The following INTS7 variants were observed in gnomAD, a reference collection of about 807,000 sequenced individuals.
INTS7 encodes integrator complex subunit 7.
INTS7 carries 46 observed loss-of-function variants against 109.2 expected under a neutral mutation model. That is an observed-to-expected ratio of 0.42 (90% CI 0.33 to 0.54). The LOEUF is 0.54. Among genes scored for constraint, INTS7 ranks in the 20% least tolerant of loss-of-function variants. INTS7 has a pLI of 0.07. For missense variants in INTS7, 929 were observed against 1,132.4 expected, an observed-to-expected ratio of 0.82 and a Z score of 2.58; for synonymous variants, 412 against 402.9, an observed-to-expected ratio of 1.02 and a Z score of -0.27.
chr1:212,029,870 T>C (rs997115025), intron 1 of INTS7, among the ~76,000 whole-genome samples: 1 of 152,136 alleles, frequency 6.6e-6, no homozygotes, highest in Non-Finnish European at 1.5e-5. Context: ...GCTTAAAAAA[T>C]TGATGGCAAA....
chr1:211,968,524 T>A lies in INTS7; in HGVS notation c.1999A>T (p.Ile667Phe). 6.2e-7 allele frequency: 1 copy of A among 1,612,430 alleles called. No homozygotes were observed. Among genetic ancestry groups the A allele is most frequent in the Non-Finnish European group, 8.5e-7 (1 of 1,179,192 alleles). The change falls in exon 14 of 20, where the codon ATC (isoleucine) becomes TTC (phenylalanine). Residue 667 changes from isoleucine (I) to phenylalanine (F), a missense_variant. Transcript: ENST00000366994. ...LGNDLQRCGR[I>F]SNQMKQSMEE... is the part of the protein sequence containing the mutation. ...AAGTTAAGACATGCCTGATTGGAGATGCGACCACACCTCTGGAGGTCATTT... is the reference window on the plus strand; with the variant it reads ...AAGTTAAGACATGCCTGATTGGAGAAGCGACCACACCTCTGGAGGTCATTT...
chr1:211,945,841 AAAATACT>A (rs1662824018), intron 18 of INTS7, among the ~76,000 whole-genome samples: 1 of 152,248 alleles, frequency 6.6e-6, no homozygotes, highest in Non-Finnish European at 1.5e-5. Flanking sequence ...TAAATATTTC[AAAATACT>A]AATTCTACTC....
chr1:212,023,550 T>C (rs1002437563), intron 1 of INTS7, among the ~76,000 whole-genome samples: 7 of 152,322 alleles, frequency 4.6e-5, no homozygotes, highest in Non-Finnish European at 1.0e-4. Flanking sequence ...ATGTCTTCTT[T>C]TGAGAATGCT....
intron 13 of INTS7, among the ~76,000 whole-genome samples, chr1:211,969,314 C>T (rs1389654715): frequency 6.6e-6 from 1 of 151,060 alleles, no homozygotes; most frequent in Non-Finnish European, 1.5e-5. Flanking sequence ...AGAAGATAAT[C>T]GCATAAGGGA....
Position 211,999,595 on chromosome 1 carries a change from A to G in INTS7, c.879+7044T>C, listed in dbSNP as rs563036577. 1.4e-4 allele frequency among the ~76,000 whole-genome samples: 21 copies of G among 152,324 alleles called. No homozygotes were observed. In the South Asian group the frequency reaches 4.4e-3, roughly 32 times the overall value. On this transcript the variant is annotated intron_variant, in intron 7 of 19. Coordinates refer to ENST00000366994, the MANE Select transcript of INTS7 (RefSeq NM_015434.4). ...AGAAAAGTTTCTGTAAATAAATTAT[A>G]CCATAATAAATCTGGCTTTTTAAAA... is the stretch of plus-strand genomic sequence containing the variant.
rs752458254 is a variant in INTS7, at chr1:211,944,896, T to C, written c.2489A>G (p.Lys830Arg). 1.2e-6 allele frequency: 2 copies of C among 1,614,168 alleles called. No homozygotes were observed. Among genetic ancestry groups the C allele is most frequent in the Non-Finnish European group, 1.7e-6 (2 of 1,179,998 alleles). Residue 830 changes from lysine (K) to arginine (R), a missense_variant, in exon 19 of 20, where the codon AAG (lysine) becomes AGG (arginine). Physicochemically the swap from Lys to Arg is conservative, Grantham distance 26. Coordinates refer to ENST00000366994, the MANE Select transcript of INTS7 (RefSeq NM_015434.4). ...TCCGTGCTGAACCACTCCCTCTACC[T>C]TTAGCGCCAGCTGCTGGTTATTCTG... ...AVQNNQQLAL[K>R]VEGVVQHGSK...
At chr1:212,004,351 C>CA (rs1328267755) in intron 7 of INTS7, among the ~76,000 whole-genome samples, 5 of 151,750 alleles carry the variant, frequency 3.3e-5, no homozygotes, top group Admixed American at 2.6e-4. Context: ...CAAAAAAACC[C>CA]AAAAAACCTC....
At chr1:211,960,932 T>C (rs917601735) in intron 16 of INTS7, among the ~76,000 whole-genome samples, 1 of 151,954 alleles carries the variant, frequency 6.6e-6, no homozygotes, top group African/African-American at 2.4e-5. Context: ...GGAGAATCAC[T>C]TGAACCTGAG....
Position 211,993,914 on chromosome 1 carries a change from C to T in INTS7, c.880-5911G>A, listed in dbSNP as rs1169027129. 2.6e-5 allele frequency among the ~76,000 whole-genome samples: 4 copies of T among 152,034 alleles called. No individual in the cohort carries two copies. In the East Asian group the frequency reaches 5.8e-4, roughly 22 times the overall value. On this transcript the variant is annotated intron_variant, in intron 7 of 19. Transcript: ENST00000366994. ...CTTCTTTCAGGTTTTTAAAGGTATACAGAATGAAAGCTATTCATTTAAACC... is the reference window on the plus strand; with the variant it reads ...CTTCTTTCAGGTTTTTAAAGGTATATAGAATGAAAGCTATTCATTTAAACC...
chr1:211,982,555 G>T, intron 9 of INTS7, 121 bp downstream of exon 9: 1 of 655,500 alleles, frequency 1.5e-6, no homozygotes. Flanking sequence ...ACTTTGAAAG[G>T]AGTCAATTTG....
intron 17 of INTS7, 44 bp downstream of exon 17, chr1:211,952,525 C>T (rs769125186): frequency 3.8e-6 from 6 of 1,588,620 alleles, no homozygotes; most frequent in African/African-American, 2.7e-5. Flanking sequence ...TATGAAAAAC[C>T]CACATCCATA....
At chr1:211,994,676 G>A (rs115918685) in intron 7 of INTS7, among the ~76,000 whole-genome samples, 4,141 of 150,404 alleles carry the variant, frequency 0.028, 81 homozygotes, top group Non-Finnish European at 0.041. Flanking sequence ...CAAGTGATCC[G>A]CCTACCTCCG....
chr1:212,011,082 C>T (rs1666148776), intron 5 of INTS7, among the ~76,000 whole-genome samples: 1 of 152,110 alleles, frequency 6.6e-6, no homozygotes, highest in Non-Finnish European at 1.5e-5. Flanking sequence ...ACTTTTGAGA[C>T]TCTCTATCCT....
chr1:211,949,665 T>C (rs1452870937), intron 17 of INTS7, among the ~76,000 whole-genome samples: 3 of 152,218 alleles, frequency 2.0e-5, no homozygotes, highest in African/African-American at 7.2e-5. Flanking sequence ...TTTGCTTCTA[T>C]ATGATAATAT....
intron 9 of INTS7, among the ~76,000 whole-genome samples, 156 bp from the exon 10 acceptor site, chr1:211,981,346 C>T (rs114914822): frequency 0.017 from 2,552 of 152,192 alleles, 44 homozygotes; most frequent in Middle Eastern, 0.037. Flanking sequence ...TGAAAAAGTA[C>T]ATGTGGCATT....
At chr1:211,993,160 ACCT>A (rs1394385142) in intron 7 of INTS7, among the ~76,000 whole-genome samples, 1 of 152,262 alleles carries the variant, frequency 6.6e-6, no homozygotes, top group African/African-American at 2.4e-5. Flanking sequence ...GAGACAGAAT[ACCT>A]CAAAACTTTC....
chr1:212,003,092 C>A (rs1411645384), intron 7 of INTS7, among the ~76,000 whole-genome samples: 1 of 151,940 alleles, frequency 6.6e-6, no homozygotes, highest in Admixed American at 6.6e-5. Context: ...GGTTATCATA[C>A]ATTTAATAGG....
At chr1:211,987,835 G>C (rs752943599) in intron 8 of INTS7, 51 bp downstream of exon 8, 4 of 1,045,390 alleles carry the variant, frequency 3.8e-6, no homozygotes, top group Non-Finnish European at 5.7e-6. Flanking sequence ...CATAAATATG[G>C]ATAAAGGAGT....
chr1:211,944,280 G>A (rs756036683), intron 19 of INTS7, among the ~76,000 whole-genome samples: 2 of 152,160 alleles, frequency 1.3e-5, no homozygotes, highest in Admixed American at 6.5e-5. Context: ...CCTTTCGTTA[G>A]ATTAATATTA....
Sources: allele counts gnomAD v4.1 joint callset (sites outside exome capture counted in the v4.1 genomes callset), GRCh38; gene constraint gnomAD v4.1.1; transcripts MANE v1.5; gene names NCBI Gene and HGNC (gene_info 2026-07-23, HGNC 2026-07-21).